PPFIBP2: variants seen among roughly 807,000 people sequenced by gnomAD.
PPFIBP2 encodes the protein PPFIB scaffold protein 2, also known as liprin-beta-2.
In PPFIBP2, 118 loss-of-function variants were observed where a neutral mutation model predicts 118.3. That is an observed-to-expected ratio of 1.00 (90% confidence interval 0.86 to 1.16). The LOEUF is 1.16. Among genes scored for constraint, PPFIBP2 ranks in the 50% most tolerant of loss-of-function variants. The pLI is 0.00. For missense variants in PPFIBP2, 1,195 were observed against 1,073.1 expected (o/e 1.11, Z -1.59); for synonymous variants, 414 against 397.4 (o/e 1.04, Z -0.50).
At chr11:7,565,834 C>T (rs1344853047) in intron 3 of PPFIBP2, 67 bp downstream of exon 3, 2 of 1,538,424 alleles carry the variant, frequency 1.3e-6, no homozygotes, top group Non-Finnish European at 1.8e-6. Flanking sequence ...TGGAGTGCCA[C>T]TGCTGACTGG....
intron 14 of PPFIBP2, 90 bp from the exon 15 acceptor site, chr11:7,639,642 C>T (rs549108881): frequency 6.4e-7 from 1 of 1,551,030 alleles, no homozygotes; most frequent in Non-Finnish European, 8.8e-7. Context: ...ATGGCTCTTG[C>T]AAAACAGGGA....
intron 17 of PPFIBP2, 21 bp from the exon 18 acceptor site, chr11:7,648,366 T>C (rs1286730542): frequency 1.2e-6 from 2 of 1,600,518 alleles, no homozygotes; most frequent in South Asian, 1.1e-5. Flanking sequence ...AACAGGAATA[T>C]GCTGTTTTCC....
chr11:7,621,587 G>A (rs920549895), intron 7 of PPFIBP2, among the ~76,000 whole-genome samples: 1 of 152,160 alleles, frequency 6.6e-6, no homozygotes, highest in Non-Finnish European at 1.5e-5. Context: ...TGTCCCCTTT[G>A]TTTCTTCCTT....
At chr11:7,655,853 G>A (rs966922947), downstream of PPFIBP2, among the ~76,000 whole-genome samples, 1 of 152,084 alleles carries the variant, frequency 6.6e-6, no homozygotes, top group Non-Finnish European at 1.5e-5. Flanking sequence ...AGCCCAGGCT[G>A]CATCCTGTCC....
intron 2 of PPFIBP2, among the ~76,000 whole-genome samples, chr11:7,562,929 T>TTATATATATATA (rs60848890): frequency 2.3e-5 from 2 of 86,540 alleles, no homozygotes; most frequent in Admixed American, 1.7e-4. Context: ...AATTAAAGTT[T>TTATATATATATA]TATATATATA....
At chr11:7,620,144 ATTGT>A (rs1849167900) in intron 6 of PPFIBP2, among the ~76,000 whole-genome samples, 2 of 152,102 alleles carry the variant, frequency 1.3e-5, no homozygotes, top group South Asian at 2.1e-4. Flanking sequence ...GTAAGAGAAA[ATTGT>A]TTGTGTCACT....
In PPFIBP2 at chr11:7,610,200, C is replaced by G. The variant is rs867942285; in HGVS notation, c.487-91C>G. The G allele has an allele frequency of 4.1e-6, 6 of 1,453,768 alleles. No individual in the cohort carries two copies. In the South Asian group the frequency reaches 6.0e-5, roughly 14 times the overall value. The allele number at this position is 1,453,768 out of a possible 1,614,324, so 90.1% of individuals were successfully genotyped here. On this transcript the variant is annotated intron_variant, in intron 5 of 23. Coordinates refer to ENST00000299492, the MANE Select transcript of PPFIBP2 (RefSeq NM_003621.5). ...CAATTCTGTGTTGTTGAACACACAA[C>G]TTAGGTGTTGCCTTATGTGCTGTAA...
At chr11:7,568,481 G>A (rs1855263481) in intron 3 of PPFIBP2, among the ~76,000 whole-genome samples, 1 of 152,180 alleles carries the variant, frequency 6.6e-6, no homozygotes, top group African/African-American at 2.4e-5. Context: ...TAATCAGGAG[G>A]GAAACTCTCT....
At chr11:7,552,762 C>T (rs377408854) in intron 2 of PPFIBP2, among the ~76,000 whole-genome samples, 1 of 152,178 alleles carries the variant, frequency 6.6e-6, no homozygotes, top group East Asian at 1.9e-4. Flanking sequence ...TTGCCCCCCC[C>T]TCTCCTGGAA....
chr11:7,594,402 A>G (rs572232563), intron 4 of PPFIBP2, among the ~76,000 whole-genome samples: 54 of 152,340 alleles, frequency 3.5e-4, no homozygotes, highest in African/African-American at 1.3e-3. Context: ...GGTATCTACA[A>G]CTTGTGAGAT....
chr11:7,654,720 C>T (rs983785923), downstream of PPFIBP2, among the ~76,000 whole-genome samples: 6 of 152,226 alleles, frequency 3.9e-5, no homozygotes, highest in Non-Finnish European at 5.9e-5. Context: ...GGCTTTGTCC[C>T]TTGTTTCTTA....
intron 2 of PPFIBP2, among the ~76,000 whole-genome samples, chr11:7,559,599 G>C (rs1477945049): frequency 1.3e-5 from 2 of 152,130 alleles, no homozygotes; most frequent in Non-Finnish European, 2.9e-5. Flanking sequence ...GGGTGAGGGA[G>C]GGTGTATATG....
chr11:7,569,845 A>G (rs550526692), intron 3 of PPFIBP2, among the ~76,000 whole-genome samples: 7 of 152,200 alleles, frequency 4.6e-5, no homozygotes, highest in Non-Finnish European at 8.8e-5. Context: ...GAAAAGGGGC[A>G]GCCTCCTCCT....
intron 3 of PPFIBP2, chr11:7,577,525 C>T: frequency 2.2e-6 from 1 of 456,194 alleles, no homozygotes; most frequent in Non-Finnish European, 4.4e-6. Context: ...GAGGAGAGAA[C>T]TGGTCTCCAG....
chr11:7,660,896 A>G (rs1590849072), downstream of PPFIBP2, among the ~76,000 whole-genome samples: 1 of 151,784 alleles, frequency 6.6e-6, no homozygotes, highest in Non-Finnish European at 1.5e-5. Context: ...GTGTCGAGGA[A>G]TTTATCCATT....
intron 2 of PPFIBP2, among the ~76,000 whole-genome samples, chr11:7,551,172 A>G (rs1024461761): frequency 3.9e-5 from 6 of 152,018 alleles, no homozygotes; most frequent in East Asian, 1.9e-4. Context: ...TTTCCTAGCA[A>G]TCCTTTTAGA....
intron 3 of PPFIBP2, chr11:7,576,355 T>A (rs1269189513): frequency 6.6e-6 from 1 of 152,274 alleles, no homozygotes; most frequent in Non-Finnish European, 1.5e-5. Flanking sequence ...AGGCCACACA[T>A]TAAGGGCTGG....
In PPFIBP2 at chr11:7,644,411, G is replaced by A. The variant is rs115442543; in HGVS notation, c.1646+1985G>A. 7.5e-3 allele frequency among the ~76,000 whole-genome samples: 1,143 copies of A among 152,320 alleles called. 6 individuals are homozygous for A. Among genetic ancestry groups the A allele is most frequent in the African/African-American group, 0.019 (778 of 41,566 alleles). On this transcript the variant is annotated intron_variant, in intron 17 of 23. Transcript: ENST00000299492. ...AGTTACTATTTTTGAGAAAAAGGCA[G>A]TAAAGTATAATGTTTAAGGCAAACA... is the stretch of plus-strand genomic sequence containing the variant.
In PPFIBP2 at chr11:7,562,937, A is replaced by ATTTT. The variant is rs1489471755; in HGVS notation, c.65-2615_65-2614insTTTT. 2.5e-3 allele frequency among the ~76,000 whole-genome samples: 56 copies of ATTTT among 22,674 alleles called. 1 individual carries two copies. The African/African-American group carries it at 0.026, about 11-fold the overall frequency. The allele number at this position is 22,674 out of a possible 152,430, so 14.9% of individuals were successfully genotyped here. Reference sequence around the variant, plus strand: ...AAATAGAAATTAAAGTTTTATATATATATATATATATATATATATATATAT... The same window carrying ATTTT: ...AAATAGAAATTAAAGTTTTATATATATTTTTATATATATATATATATATATATAT... On this transcript the variant is annotated intron_variant, in intron 2 of 23. Transcript: ENST00000299492.
Sources: allele counts gnomAD v4.1 joint callset (sites outside exome capture counted in the v4.1 genomes callset), GRCh38; gene constraint gnomAD v4.1.1; transcripts MANE v1.5; gene names NCBI Gene and HGNC (gene_info 2026-07-23, HGNC 2026-07-21).